Variants in DLG1 observed in about 807,000 individuals in gnomAD.
The protein encoded by DLG1 is discs large MAGUK scaffold protein 1, also known as disks large homolog 1.
A neutral mutation model predicts 123.4 loss-of-function variants in DLG1; 42 were observed. That is an observed-to-expected ratio of 0.34 (90% CI 0.27 to 0.44). The LOEUF is 0.44. DLG1 is among the 20% of genes least tolerant of loss of function. The pLI is 1.00. For synonymous variants in DLG1, 317 were observed against 356.2 expected, an observed-to-expected ratio of 0.89 and a Z score of 1.24; for missense variants, 942 against 1,082.6, an observed-to-expected ratio of 0.87 and a Z score of 1.82.
intron 18 of DLG1, 107 bp from the exon 19 acceptor site, chr3:197,069,367 T>A (rs1560455719): frequency 1.6e-6 from 1 of 623,222 alleles, no homozygotes; most frequent in Non-Finnish European, 2.6e-6. Flanking sequence ...AAAATAATTT[T>A]TTAAAAGCAT....
intron 3 of DLG1, among the ~76,000 whole-genome samples, chr3:197,293,416 G>A (rs1775881009): frequency 1.3e-5 from 2 of 152,072 alleles, no homozygotes; most frequent in African/African-American, 2.4e-5. Flanking sequence ...ATTACATTGC[G>A]AGTATCAATT....
At chr3:197,066,410 C>T (rs1007300258) in intron 20 of DLG1, among the ~76,000 whole-genome samples, 1 of 152,064 alleles carries the variant, frequency 6.6e-6, no homozygotes, top group Non-Finnish European at 1.5e-5. Flanking sequence ...CTCAAAGATA[C>T]TTCCAAGATT....
At chr3:197,244,157 G>T (rs1047282928) in intron 4 of DLG1, among the ~76,000 whole-genome samples, 11 of 152,224 alleles carry the variant, frequency 7.2e-5, no homozygotes, top group African/African-American at 2.7e-4. Flanking sequence ...TGTTGTGAGA[G>T]ACATGAGGTA....
intron 18 of DLG1, chr3:197,070,309 C>G (rs1050033497): frequency 6.7e-5 from 10 of 149,788 alleles, no homozygotes; most frequent in Non-Finnish European, 1.3e-4. Context: ...GGTGGTATGA[C>G]TATAGCTCAC....
chr3:197,099,370 G>C (rs914936021), intron 14 of DLG1, among the ~76,000 whole-genome samples: 1 of 152,068 alleles, frequency 6.6e-6, no homozygotes, highest in Non-Finnish European at 1.5e-5. Flanking sequence ...TTATTTTGAC[G>C]GAAGAGTTTC....
chr3:197,297,621 G>A (rs923387616), intron 1 of DLG1: 7 of 1,003,624 alleles, frequency 7.0e-6, no homozygotes, highest in South Asian at 8.4e-5. Flanking sequence ...CGCTGAGAGG[G>A]GACCAGCGGG....
chr3:197,202,173 CA>C (rs1201030583), intron 4 of DLG1, among the ~76,000 whole-genome samples: 4 of 152,138 alleles, frequency 2.6e-5, no homozygotes, highest in Admixed American at 6.5e-5. Context: ...AAAACCATAA[CA>C]AATGTAAGAT....
At chr3:197,103,363 GT>G (rs1764579047) in intron 14 of DLG1, among the ~76,000 whole-genome samples, 2 of 152,064 alleles carry the variant, frequency 1.3e-5, no homozygotes, top group Admixed American at 1.3e-4. Flanking sequence ...TACCTAAAAA[GT>G]TTATATTCCT....
intron 16 of DLG1, among the ~76,000 whole-genome samples, chr3:197,084,976 A>G (rs1357687192): frequency 2.6e-5 from 4 of 151,308 alleles, no homozygotes; most frequent in Non-Finnish European, 5.9e-5. Context: ...TAGTAGAGAC[A>G]GGCTTTCACC....
intron 18 of DLG1, among the ~76,000 whole-genome samples, 200 bp downstream of exon 18, chr3:197,076,386 T>C (rs1276238960): frequency 6.6e-6 from 1 of 152,222 alleles, no homozygotes; most frequent in African/African-American, 2.4e-5. Context: ...AAATAATGTT[T>C]GCTTTAAATT....
chr3:197,140,337 C>T lies in DLG1; in HGVS notation c.589-73G>A, dbSNP rs116461938. 7.8e-4 allele frequency: 1,150 copies of T among 1,468,154 alleles called. 4 individuals are homozygous for T. The African/African-American group carries it at 0.014, about 17-fold the overall frequency. The allele number at this position is 1,468,154 out of a possible 1,614,324, so 90.9% of individuals were successfully genotyped here. On this transcript the variant is annotated intron_variant, in intron 7 of 24. Transcript: ENST00000667157. ...TGGACAGGTTCCTGTCATTAAAGGACGCAGAAACTGTACTAACATAAGGAA... is the reference window on the plus strand; with the variant it reads ...TGGACAGGTTCCTGTCATTAAAGGATGCAGAAACTGTACTAACATAAGGAA...
chr3:197,280,164 A>C (rs183171019), intron 4 of DLG1, among the ~76,000 whole-genome samples: 84 of 152,230 alleles, frequency 5.5e-4, no homozygotes, highest in Middle Eastern at 6.8e-3. Context: ...GTCTCTGGTA[A>C]CTATCATTCT....
intron 4 of DLG1, among the ~76,000 whole-genome samples, chr3:197,206,290 A>T (rs1333402198): frequency 6.6e-6 from 1 of 152,160 alleles, no homozygotes; most frequent in African/African-American, 2.4e-5. Flanking sequence ...ATAACTCTTA[A>T]TTATGTAAGA....
At chr3:197,250,026 C>T (rs561277265) in intron 4 of DLG1, among the ~76,000 whole-genome samples, 54 of 152,180 alleles carry the variant, frequency 3.5e-4, no homozygotes, top group African/African-American at 1.0e-3. Context: ...CTACTTTCAC[C>T]GCTTTTATTT....
chr3:197,212,620 T>A (rs2150411685), intron 4 of DLG1, among the ~76,000 whole-genome samples: 1 of 152,376 alleles, frequency 6.6e-6, no homozygotes, highest in South Asian at 2.1e-4. Context: ...ATTCTTGCCG[T>A]GTCATGTCTC....
chr3:197,172,347 T>C (rs962333921), intron 5 of DLG1, among the ~76,000 whole-genome samples: 2 of 152,160 alleles, frequency 1.3e-5, no homozygotes, highest in East Asian at 3.8e-4. Context: ...ATATTTATTA[T>C]ACTATACTTT....
In DLG1 at chr3:197,043,084, G is replaced by A. The variant is rs1354595899; in HGVS notation, c.*1539C>T. On this transcript the variant is annotated 3_prime_UTR_variant, in exon 25 of 25. Coordinates refer to ENST00000667157, the MANE Select transcript of DLG1 (RefSeq NM_001366207.1). ...AAACAACTCCAAAGAGCAATGGGAA[G>A]CCAAATATTATTATTAATATGAAGG... The A allele has an allele frequency of 6.6e-6, 1 of 152,174 alleles. No individual in the cohort carries two copies. The highest frequency in any genetic ancestry group is 2.4e-5 in the African/African-American group (1 of 41,430). 9.4% of individuals were successfully genotyped at this position (152,174 alleles called of 1,614,324 possible).
chr3:197,235,517 T>TA lies in DLG1; in HGVS notation c.319-40929dup, dbSNP rs762807913. On this transcript the variant is annotated intron_variant, in intron 4 of 24. Transcript: ENST00000667157. Reference sequence around the variant, plus strand: ...GCAGAGGGGCCTCAATAAACACTTGTAGTAATCAGTGGACACTCCTAGACA... The same window carrying TA: ...GCAGAGGGGCCTCAATAAACACTTGTAAGTAATCAGTGGACACTCCTAGACA... Among the ~76,000 whole-genome samples, 193 of 152,326 alleles carry TA rather than the reference T, an allele frequency of 1.3e-3. 1 individual carries two copies. Among genetic ancestry groups the TA allele is most frequent in the Non-Finnish European group, 1.7e-3 (115 of 68,030 alleles).
intron 4 of DLG1, among the ~76,000 whole-genome samples, chr3:197,257,398 C>T (rs570579691): frequency 3.3e-5 from 5 of 152,210 alleles, no homozygotes; most frequent in African/African-American, 7.2e-5. Flanking sequence ...TCCCCACACA[C>T]GGGCATACAT....
Sources: gnomAD v4.1 joint callset for allele counts (sites outside exome capture counted in the v4.1 genomes callset) on GRCh38, gnomAD v4.1.1 for gene constraint, MANE v1.5 for transcripts, NCBI Gene and HGNC (gene_info 2026-07-23, HGNC 2026-07-21) for gene names.